The following MSANTD4 variants were observed in gnomAD, a reference collection of about 807,000 sequenced individuals.
MSANTD4 encodes myb/SANT-like DNA-binding domain-containing protein 4.
In MSANTD4, 13 loss-of-function variants were observed where a neutral mutation model predicts 34.3. The ratio of observed to expected loss-of-function variants is 0.38; its 90% CI spans 0.25 to 0.60. The LOEUF (loss-of-function observed/expected upper bound fraction) is 0.60, where lower values mean the gene tolerates loss of function less well. Ranked by LOEUF, MSANTD4 falls within the 20% of genes least tolerant of loss-of-function variation. MSANTD4 has a pLI of 0.63. For synonymous variants in MSANTD4, 137 were observed against 145.2 expected (o/e 0.94, Z 0.41); for missense variants, 358 against 401.8 (o/e 0.89, Z 0.93).
rs554929542 is a variant in MSANTD4 at position 106,021,377 on chromosome 11, T to G, written c.-566A>C. 1 of 152,358 alleles carries G rather than the reference T, an allele frequency of 6.6e-6. No individual in the cohort carries two copies. Among genetic ancestry groups the G allele is most frequent in the African/African-American group, 2.4e-5 (1 of 41,584 alleles). The allele number at this position is 152,358 out of a possible 1,614,324, so 9.4% of individuals were successfully genotyped here. ...ACTTACGTAATCCTTGTGAAGATGA[T>G]GTACTGCCAATGGCATAATATAACC... On this transcript the variant is annotated 5_prime_UTR_variant, in exon 1 of 3. Coordinates refer to ENST00000301919, the MANE Select transcript of MSANTD4 (RefSeq NM_032424.3).
Position 106,010,539 on chromosome 11 carries a change from T to C in MSANTD4, c.379A>G (p.Asn127Asp). ...CCTGCATCCCTGAAATCTGCCACATTTTGCCAGTCAAAATTTGCATCATTT... is the reference window on the plus strand; with the variant it reads ...CCTGCATCCCTGAAATCTGCCACATCTTGCCAGTCAAAATTTGCATCATTT... ...FRNDANFDWQ[N>D]VADFRDAGGS... The change falls in exon 2 of 3, where the codon AAT (asparagine) becomes GAT (aspartate). Residue 127 changes from asparagine to aspartate, a missense_variant. By Grantham distance (23) the Asn-to-Asp change is conservative (BLOSUM62 1). Transcript: ENST00000301919. The C allele has an allele frequency of 6.2e-7, 1 of 1,614,164 alleles. No individual in the cohort carries two copies. Among genetic ancestry groups the C allele is most frequent in the Admixed American group, 1.7e-5 (1 of 60,020 alleles).
chr11:106,012,670 C>T (rs1282668662), intron 1 of MSANTD4, among the ~76,000 whole-genome samples: 1 of 152,148 alleles, frequency 6.6e-6, no homozygotes, highest in Non-Finnish European at 1.5e-5. Flanking sequence ...TTTTTAGGCT[C>T]CTCTCCAGAC....
rs370953872 is a variant in MSANTD4 at position 106,010,565 on chromosome 11, C to T, written c.353G>A (p.Arg118Gln). The T allele has an allele frequency of 2.4e-5, 39 of 1,614,040 alleles. No homozygotes were observed. Among genetic ancestry groups the T allele is most frequent in the African/African-American group, 1.1e-4 (8 of 74,934 alleles). Reference protein sequence around the residue: ...TEEIDEKIGFRNDANFDWQNV... With the variant: ...TEEIDEKIGFQNDANFDWQNV... ...TTGCCAGTCAAAATTTGCATCATTT[C>T]GGAATCCAATCTTTTCATCTATCTC... The change falls in exon 2 of 3, where the codon CGA (arginine) becomes CAA (glutamine). Residue 118 changes from arginine to glutamine, a missense_variant. This residue lies in a region of MSANTD4 where 312 missense variants were observed against 317.6 expected (regional missense o/e 0.98). Transcript: ENST00000301919.
In MSANTD4 at chr11:106,008,305, CAGGGAAG is replaced by C. The variant is rs1383129700; in HGVS notation, c.*1223_*1229del. The stretch of plus-strand genomic sequence containing the variant: ...GACTAAAGATACGTGCTTTGTTCCT[CAGGGAAG>C]AGGGAAGGACAAAATATACTACAAT... On this transcript the variant is annotated 3_prime_UTR_variant, in exon 3 of 3. Transcript: ENST00000301919. The C allele has an allele frequency of 1.3e-5, 2 of 152,336 alleles. No homozygotes were observed. The highest frequency in any genetic ancestry group is 2.9e-5 in the Non-Finnish European group (2 of 68,028). 9.4% of individuals were successfully genotyped at this position (152,336 alleles called of 1,614,324 possible). A position where few individuals can be genotyped will look rare whatever the true frequency, so the allele number is the denominator to read the frequency against.
At chr11:106,013,725 G>C (rs547307653) in intron 1 of MSANTD4, among the ~76,000 whole-genome samples, 1 of 152,308 alleles carries the variant, frequency 6.6e-6, no homozygotes, top group Admixed American at 6.5e-5. Context: ...AGCTGGGCAT[G>C]GTGGTGCACA....
At position 106,011,061 on chromosome 11, in the gene MSANTD4, A is replaced by G. The variant is rs533686546; in HGVS notation, c.-144T>C. ...TTCATCTAGTGGCAAGGCAGTCTGG[A>G]TAATTCCTAAAAGGAAAAAAGTACA... On this transcript the variant is annotated 5_prime_UTR_variant, in exon 2 of 3. Coordinates refer to ENST00000301919, the MANE Select transcript of MSANTD4 (RefSeq NM_032424.3). 4.3e-6 allele frequency: 6 copies of G among 1,384,714 alleles called. No individual in the cohort carries two copies. The African/African-American group carries it at 7.3e-5, about 17-fold the overall frequency. The allele number at this position is 1,384,714 out of a possible 1,614,324, so 85.8% of individuals were successfully genotyped here.
At position 106,008,473 on chromosome 11, in the gene MSANTD4, T is replaced by C. The variant is rs1291686112; in HGVS notation, c.*1062A>G. 1 of 152,184 alleles carries C rather than the reference T, an allele frequency of 6.6e-6. No individual in the cohort carries two copies. The highest frequency in any genetic ancestry group is 1.9e-4 in the East Asian group (1 of 5,192). The allele number at this position is 152,184 out of a possible 1,614,324, so 9.4% of individuals were successfully genotyped here. A position where few individuals can be genotyped will look rare whatever the true frequency, so the allele number is the denominator to read the frequency against. On this transcript the variant is annotated 3_prime_UTR_variant, in exon 3 of 3. Transcript: ENST00000301919. ...AAGTGCTTCTCCAATCCATAATACA[T>C]ACCTACTATCATTATTTCAACATCA...
At position 106,009,853 on chromosome 11, in the gene MSANTD4, C is replaced by G; in HGVS notation, c.720G>C (p.Leu240=). 1 of 1,613,936 alleles carries G rather than the reference C, an allele frequency of 6.2e-7. No homozygotes were observed. The highest frequency in any genetic ancestry group is 8.5e-7 in the Non-Finnish European group (1 of 1,180,004). ...KERLQIEKER[L]RHLDMEHERL... ...GCTCATGTTCCATGTCTAAATGCCG[C>G]AGCCTCTCTTTCTCGATTTGTAGGC... Residue 240 remains leucine, a synonymous_variant, in exon 3 of 3, where the codon CTG becomes CTC. Transcript: ENST00000301919.
rs769231055 is a variant in MSANTD4 at position 106,009,923 on chromosome 11, C to T, written c.650G>A (p.Arg217Gln). ...IEKQKLELEK[R>Q]RLDIEAERLQ... ...CCTTTCGGCCTCGATATCCAGTCGT[C>T]GTTTTTCCAACTCTAGTTTCTGTTT... The change falls in exon 3 of 3, where the codon CGA becomes CAA. Residue 217 changes from arginine to glutamine, a missense_variant. Coordinates refer to ENST00000301919, the MANE Select transcript of MSANTD4 (RefSeq NM_032424.3). The T allele has an allele frequency of 8.1e-6, 13 of 1,613,696 alleles. No homozygotes were observed. Among genetic ancestry groups the T allele is most frequent in the South Asian group, 2.2e-5 (2 of 91,014 alleles).
rs185510988 is a variant in MSANTD4 at position 106,018,741 on chromosome 11, C to G, written c.-151+2221G>C. Reference sequence around the variant, plus strand: ...TTATGTCAAATGCAAGAAGAATATGCTAGTTGTAGGACCAATTCACACTCC... The same window carrying G: ...TTATGTCAAATGCAAGAAGAATATGGTAGTTGTAGGACCAATTCACACTCC... On this transcript the variant is annotated intron_variant, in intron 1 of 2. Transcript: ENST00000301919. 4.7e-4 allele frequency among the ~76,000 whole-genome samples: 71 copies of G among 152,242 alleles called. 1 individual carries two copies. The Middle Eastern group carries it at 0.01, about 22-fold the overall frequency.
chr11:106,012,492 A>C (rs766752758), intron 1 of MSANTD4, among the ~76,000 whole-genome samples: 2 of 152,188 alleles, frequency 1.3e-5, no homozygotes, highest in Non-Finnish European at 2.9e-5. Context: ...CCATTAAATA[A>C]ATTTTAAAAT....
rs192460292 is a variant in MSANTD4 at position 106,022,233 on chromosome 11, G to C, written c.-1422C>G. Reference sequence around the variant, plus strand: ...GGCACCTCCCCACGGTCGCCCCAAGGGGGGTAGGAAAAAAGATGCTTCATT... The same window carrying C: ...GGCACCTCCCCACGGTCGCCCCAAGCGGGGTAGGAAAAAAGATGCTTCATT... On this transcript the variant is annotated 5_prime_UTR_variant, in exon 1 of 3. Transcript: ENST00000301919. The C allele has an allele frequency of 4.6e-5, 7 of 152,464 alleles. No individual in the cohort carries two copies. The highest frequency in any genetic ancestry group is 2.6e-4 in the Admixed American group (4 of 15,288). 9.4% of individuals were successfully genotyped at this position (152,464 alleles called of 1,614,324 possible). A position where few individuals can be genotyped will look rare whatever the true frequency, so the allele number is the denominator to read the frequency against.
At chr11:106,018,129 G>A (rs1224060667) in intron 1 of MSANTD4, among the ~76,000 whole-genome samples, 4 of 152,060 alleles carry the variant, frequency 2.6e-5, no homozygotes, top group Non-Finnish European at 4.4e-5. Context: ...AAGTAAAAAT[G>A]AAATGAAAAG....
At chr11:106,015,125 C>T (rs779101873) in intron 1 of MSANTD4, among the ~76,000 whole-genome samples, 2 of 152,114 alleles carry the variant, frequency 1.3e-5, no homozygotes, top group African/African-American at 2.4e-5. Flanking sequence ...AAACCTTTAT[C>T]CTCTAGAATA....
chr11:106,011,380 T>C (rs543004896), intron 1 of MSANTD4, among the ~76,000 whole-genome samples: 2 of 152,276 alleles, frequency 1.3e-5, no homozygotes, highest in Admixed American at 1.3e-4. Context: ...CACCTATTCC[T>C]GTCAAACTCT....
chr11:106,013,406 A>G (rs902070654), intron 1 of MSANTD4, among the ~76,000 whole-genome samples: 13 of 152,222 alleles, frequency 8.5e-5, no homozygotes, highest in African/African-American at 3.1e-4. Context: ...CCATCATAAC[A>G]TTAAATGGGA....
rs1047699350 is a variant in MSANTD4 at position 106,008,180 on chromosome 11, T to G, written c.*1355A>C. ...AGTGCAGTGATTCTCAACTTTAGTG[T>G]GTATCAGAATCACTTGGATTGTGGA... On this transcript the variant is annotated 3_prime_UTR_variant, in exon 3 of 3. Transcript: ENST00000301919. The G allele has an allele frequency of 3.9e-5, 6 of 152,600 alleles. No individual in the cohort carries two copies. The highest frequency in any genetic ancestry group is 6.5e-5 in the Admixed American group (1 of 15,278). 9.5% of individuals were successfully genotyped at this position (152,600 alleles called of 1,614,324 possible). A position where few individuals can be genotyped will look rare whatever the true frequency, so the allele number is the denominator to read the frequency against.
chr11:106,016,355 C>T (rs945038678), intron 1 of MSANTD4, among the ~76,000 whole-genome samples: 1 of 152,166 alleles, frequency 6.6e-6, no homozygotes, highest in Non-Finnish European at 1.5e-5. Context: ...CATCATTAAA[C>T]CAGCCCCAAT....
intron 1 of MSANTD4, among the ~76,000 whole-genome samples, chr11:106,016,388 G>A (rs758482404): frequency 2.0e-5 from 3 of 152,156 alleles, no homozygotes; most frequent in Non-Finnish European, 4.4e-5. Context: ...AGTACCCTAT[G>A]TTGCAGGACA....
Sources: gnomAD v4.1 joint callset for allele counts (sites outside exome capture counted in the v4.1 genomes callset) on GRCh38, gnomAD v4.1.1 for gene constraint, gnomAD v4.1.1 regional missense constraint, MANE v1.5 for transcripts, NCBI Gene and HGNC (gene_info 2026-07-23, HGNC 2026-07-21) for gene names.